The following PDE1C variants were observed in gnomAD, a reference collection of about 807,000 sequenced individuals.
The protein encoded by PDE1C is phosphodiesterase 1C.
Under a neutral mutation model 93.1 loss-of-function variants are expected in PDE1C, and 62 were observed. The observed-to-expected ratio is 0.67, with a 90% CI of 0.54 to 0.82. The LOEUF (loss-of-function observed/expected upper bound fraction) is 0.82, where lower values mean the gene tolerates loss of function less well. PDE1C is among the 40% of genes least tolerant of loss of function. The pLI, the probability that PDE1C is intolerant of heterozygous loss-of-function variation, is 0.00. For missense variants in PDE1C, 742 were observed against 884.6 expected (o/e 0.84, Z 2.04); for synonymous variants, 325 against 310.1 (o/e 1.05, Z -0.50).
chr7:32,147,830 G>C (rs1278814709), intron 3 of PDE1C, among the ~76,000 whole-genome samples: 1 of 151,944 alleles, frequency 6.6e-6, no homozygotes, highest in African/African-American at 2.4e-5. Flanking sequence ...AACTGGCTGA[G>C]ACTTCCAGAC....
At chr7:31,981,785 A>C (rs901874286) in intron 2 of PDE1C, among the ~76,000 whole-genome samples, 8 of 152,230 alleles carry the variant, frequency 5.3e-5, no homozygotes, top group Admixed American at 2.0e-4. Context: ...GAAAGTGTTA[A>C]TCTGCCTATA....
the PDE1C span, chr7:31,696,922 T>A: frequency 6.3e-7 from 1 of 1,597,210 alleles, no homozygotes; most frequent in Non-Finnish European, 8.6e-7. Context: ...TTAGGATATA[T>A]GTATTTGATC....
the PDE1C span, chr7:31,653,022 C>A: frequency 1.5e-6 from 2 of 1,361,916 alleles, no homozygotes; most frequent in Non-Finnish European, 1.9e-6. Flanking sequence ...AATAACTGAG[C>A]ACCTAGTATG....
chr7:32,291,791 G>T (rs1812341696), intron 1 of PDE1C, among the ~76,000 whole-genome samples: 1 of 152,178 alleles, frequency 6.6e-6, no homozygotes, highest in Admixed American at 6.5e-5. Flanking sequence ...GAAGGCCAGG[G>T]TCAAGACTTG....
At chr7:31,995,744 G>A (rs577572593) in intron 2 of PDE1C, among the ~76,000 whole-genome samples, 7 of 152,152 alleles carry the variant, frequency 4.6e-5, no homozygotes, top group South Asian at 2.1e-4. Flanking sequence ...GAGAGCTGAC[G>A]GGCCAACTGG....
intron 1 of PDE1C, among the ~76,000 whole-genome samples, chr7:32,354,604 A>C (rs1783996059): frequency 6.6e-6 from 1 of 152,192 alleles, no homozygotes; most frequent in Non-Finnish European, 1.5e-5. Context: ...GTTTAAAAAA[A>C]AGTTTGTAAA....
chr7:32,401,665 T>C (rs1008236375), intron 1 of PDE1C, among the ~76,000 whole-genome samples: 2 of 152,192 alleles, frequency 1.3e-5, no homozygotes, highest in Non-Finnish European at 2.9e-5. Context: ...CCCTGATGTA[T>C]GTGTCCCTCA....
chr7:32,008,056 C>T (rs572102151), intron 2 of PDE1C, among the ~76,000 whole-genome samples: 2 of 152,332 alleles, frequency 1.3e-5, no homozygotes, highest in East Asian at 1.9e-4. Context: ...TTGTTTTCCA[C>T]CATTCCTTCA....
At chr7:31,925,953 C>T (rs1803316426) in intron 2 of PDE1C, among the ~76,000 whole-genome samples, 1 of 152,142 alleles carries the variant, frequency 6.6e-6, no homozygotes, top group Non-Finnish European at 1.5e-5. Flanking sequence ...CTCCATGTCC[C>T]GTTTTTAATC....
the PDE1C span, among the ~76,000 whole-genome samples, chr7:31,633,943 T>C: frequency 6.6e-6 from 1 of 152,252 alleles, no homozygotes; most frequent in Non-Finnish European, 1.5e-5. Flanking sequence ...GAACTCAGAC[T>C]ATTTTAAACA....
At chr7:31,985,410 G>C (rs1233748384) in intron 2 of PDE1C, among the ~76,000 whole-genome samples, 1 of 151,918 alleles carries the variant, frequency 6.6e-6, no homozygotes, top group Non-Finnish European at 1.5e-5. Context: ...ACTTTAATAC[G>C]TTTTTTATTA....
intron 2 of PDE1C, among the ~76,000 whole-genome samples, chr7:31,924,663 G>A (rs536269579): frequency 1.3e-5 from 2 of 152,144 alleles, no homozygotes; most frequent in Admixed American, 6.5e-5. Flanking sequence ...ATATAAGCAG[G>A]GTTCAGAAGG....
At chr7:31,622,377 T>C in the PDE1C span, among the ~76,000 whole-genome samples, 2 of 151,958 alleles carry the variant, frequency 1.3e-5, no homozygotes, top group African/African-American at 4.8e-5. Context: ...CCTCAGCAAA[T>C]GTAAAAGAAC....
At chr7:32,110,265 T>C (rs952420578) in intron 3 of PDE1C, among the ~76,000 whole-genome samples, 1 of 152,144 alleles carries the variant, frequency 6.6e-6, no homozygotes, top group Non-Finnish European at 1.5e-5. Context: ...TGCAGAAGGA[T>C]TGTACCCATC....
chr7:31,744,311 C>G, the PDE1C span, among the ~76,000 whole-genome samples: 1 of 152,014 alleles, frequency 6.6e-6, no homozygotes, highest in African/African-American at 2.4e-5. Context: ...TTTCAAGAAG[C>G]TAATCCCTGT....
At chr7:32,277,988 A>T (rs1223790956) in intron 1 of PDE1C, among the ~76,000 whole-genome samples, 2 of 152,136 alleles carry the variant, frequency 1.3e-5, no homozygotes, top group African/African-American at 4.8e-5. Flanking sequence ...CACACCGGTG[A>T]TGTCCTAATG....
At chr7:31,664,622 C>G in the PDE1C span, among the ~76,000 whole-genome samples, 2 of 152,200 alleles carry the variant, frequency 1.3e-5, no homozygotes, top group African/African-American at 4.8e-5. Flanking sequence ...ATTATCACAT[C>G]TGAGATGGCT....
chr7:32,337,176 G>A (rs1783642469), intron 1 of PDE1C, among the ~76,000 whole-genome samples: 2 of 152,060 alleles, frequency 1.3e-5, no homozygotes, highest in African/African-American at 2.4e-5. Flanking sequence ...GAACTCCACT[G>A]GTTCAATCAA....
At chr7:32,243,093 T>A (rs1469966499) in intron 1 of PDE1C, among the ~76,000 whole-genome samples, 2 of 152,122 alleles carry the variant, frequency 1.3e-5, no homozygotes, top group Non-Finnish European at 2.9e-5. Context: ...GGACAGACAG[T>A]CTCTTTGGCA....
Sources: gnomAD v4.1 joint callset for allele counts (sites outside exome capture counted in the v4.1 genomes callset) on GRCh38, gnomAD v4.1.1 for gene constraint, MANE v1.5 for transcripts, NCBI Gene and HGNC (gene_info 2026-07-23, HGNC 2026-07-21) for gene names.